The following DTX2 variants were observed in gnomAD, a reference collection of about 807,000 sequenced individuals.
The protein encoded by DTX2 is probable E3 ubiquitin-protein ligase DTX2.
Under a neutral mutation model 55.3 loss-of-function variants are expected in DTX2, and 29 were observed. The observed-to-expected ratio is 0.52, with a 90% CI of 0.39 to 0.71. The LOEUF (loss-of-function observed/expected upper bound fraction) is 0.71, where lower values mean the gene tolerates loss of function less well. Ranked by LOEUF, DTX2 falls within the 30% of genes least tolerant of loss-of-function variation. DTX2 has a pLI of 0.00. For synonymous variants in DTX2, 276 were observed against 340.4 expected (o/e 0.81, Z 2.08); for missense variants, 537 against 822.5 (o/e 0.65, Z 4.25).
In DTX2 at chr7:76,501,531, A is replaced by G. The variant is rs538028566; in HGVS notation, c.1231-767A>G. Among the ~76,000 whole-genome samples, 103 of 150,592 alleles carry G rather than the reference A, an allele frequency of 6.8e-4. 1 individual carries two copies. The highest frequency in any genetic ancestry group is 2.5e-3 in the African/African-American group (101 of 41,142). On this transcript the variant is annotated intron_variant, in intron 7 of 10. Coordinates refer to ENST00000430490, the MANE Select transcript of DTX2 (RefSeq NM_001102594.3). ...CCTGGAACCGCCAGCAGGACCCCCA[A>G]CTCACACACAGCCCCAAGCCCCTGA...
rs1812189492 is a variant in DTX2 at position 76,505,059 on chromosome 7, T to TGGGC, written c.1642-309_1642-306dup. 3.3e-4 allele frequency among the ~76,000 whole-genome samples: 1 copy of TGGGC among 3,064 alleles called. No individual in the cohort carries two copies. The highest frequency in any genetic ancestry group is 1.4e-3 in the African/African-American group (1 of 740). The allele number at this position is 3,064 out of a possible 152,430, so 2.0% of individuals were successfully genotyped here. A position where few individuals can be genotyped will look rare whatever the true frequency, so the allele number is the denominator to read the frequency against. On this transcript the variant is annotated intron_variant, in intron 10 of 10. Transcript: ENST00000430490. The surrounding 1 kb of genome is among the most constrained non-coding windows in gnomAD (Gnocchi z 4.4). ...CCTGGATTCCACCAGGGAGGGTGGG[T>TGGGC]GGGCGGGCGCTCGTCCAGCAACGGC...
intron 2 of DTX2, chr7:76,474,890 C>T (rs1808370670): frequency 6.6e-6 from 1 of 152,210 alleles, no homozygotes; most frequent in Admixed American, 6.5e-5. Context: ...AGCAGCATTC[C>T]ATGGTGCCTC....
chr7:76,498,807 TGTGGGGTGTGTGGGGTGTGTAGAG>T (rs1811240631), intron 6 of DTX2, among the ~76,000 whole-genome samples: 1 of 132,938 alleles, frequency 7.5e-6, no homozygotes, highest in African/African-American at 3.3e-5. Flanking sequence ...TGTGTGGAGG[TGTGGGGTGTGTGGGGTGTGTAGAG>T]GTGAGGGTGT....
chr7:76,481,607 A>G (rs1809223503), intron 3 of DTX2, among the ~76,000 whole-genome samples: 1 of 150,056 alleles, frequency 6.7e-6, no homozygotes, highest in Non-Finnish European at 1.5e-5. Flanking sequence ...CCATCTGACA[A>G]TGTTTGGAGA....
chr7:76,495,425 C>CCT (rs1388342605), intron 5 of DTX2, among the ~76,000 whole-genome samples: 1 of 151,996 alleles, frequency 6.6e-6, no homozygotes, highest in African/African-American at 2.4e-5. Flanking sequence ...AGGCTGTGGC[C>CCT]CTCCGAGTTA....
At chr7:76,503,300 G>T (rs1001357618) in intron 8 of DTX2, 126 bp from the exon 9 acceptor site, 153 of 1,076,654 alleles carry the variant, frequency 1.4e-4, no homozygotes, top group Non-Finnish European at 1.9e-4. Flanking sequence ...CGGGCAGGAG[G>T]CTGCCAGCAA....
rs765845959 is a variant in DTX2, at chr7:76,483,034, C to T, written c.795C>T (p.Asn265=). The change falls in exon 4 of 11, where the codon AAC becomes AAT. Residue 265 remains asparagine (N), a synonymous_variant. Coordinates refer to ENST00000430490, the MANE Select transcript of DTX2 (RefSeq NM_001102594.3). ...CTGCGCCCAGGCTGAACACCACCAA[C>T]GCCTGGGGCGCAGCTCCTCCTTCCC... The part of the protein sequence containing the change: ...ARSAPRLNTT[N]AWGAAPPSLG... 2.9e-5 allele frequency: 47 copies of T among 1,613,248 alleles called. 1 individual carries two copies. Among genetic ancestry groups the T allele is most frequent in the South Asian group, 2.3e-4 (21 of 91,028 alleles).
In DTX2 at chr7:76,505,656, C is replaced by T. The variant is rs1007219966; in HGVS notation, c.*55C>T. ...GGCCACCCCGCTGCCCCATGGCTGG[C>T]TGGGTGGCCAGGCAGGAAGTGCCCA... On this transcript the variant is annotated 3_prime_UTR_variant, in exon 11 of 11. Coordinates refer to ENST00000430490, the MANE Select transcript of DTX2 (RefSeq NM_001102594.3). This position sits in a 1 kb window ranked among gnomAD's most constrained non-coding sequence, Gnocchi z 4.4. 5.5e-5 allele frequency: 84 copies of T among 1,514,228 alleles called. No individual in the cohort carries two copies. Among genetic ancestry groups the T allele is most frequent in the Non-Finnish European group, 7.3e-5 (83 of 1,129,658 alleles). The allele number at this position is 1,514,228 out of a possible 1,614,324, so 93.8% of individuals were successfully genotyped here. A position where few individuals can be genotyped will look rare whatever the true frequency, so the allele number is the denominator to read the frequency against.
chr7:76,497,392 AC>A lies in DTX2; in HGVS notation c.1069del (p.Gln357SerfsTer21). The A allele has an allele frequency of 6.2e-7, 1 of 1,603,048 alleles. No individual in the cohort carries two copies. Among genetic ancestry groups the A allele is most frequent in the African/African-American group, 1.3e-5 (1 of 74,512 alleles). On this transcript the variant is annotated frameshift_variant, in exon 6 of 11. Transcript: ENST00000430490. LOFTEE classifies it high-confidence loss of function. ...GACTCCCTGTGTGTCTTAGCCGCGCACCCCAGCCCACCAGCCCTCCCGCCTC... is the reference window on the plus strand; with the variant it reads ...GACTCCCTGTGTGTCTTAGCCGCGCACCCAGCCCACCAGCCCTCCCGCCTC... ...IGLPVCLSRA[P>X]QPTSPPASRL...
At chr7:76,502,963 G>C (rs1811901235) in intron 8 of DTX2, 1 of 213,084 alleles carries the variant, frequency 4.7e-6, no homozygotes, top group Non-Finnish European at 9.4e-6. Flanking sequence ...CGCCCAGACT[G>C]ACCCCCAGCT....
chr7:76,489,908 C>A lies in DTX2; in HGVS notation c.909-2245C>A, dbSNP rs1295355679. On this transcript the variant is annotated intron_variant, in intron 4 of 10. Transcript: ENST00000430490. ...ATATTAAAAAAAAAAAAAACAACAA[C>A]CTTTATTTTATGGTAATTAAGTTCC... Among the ~76,000 whole-genome samples the A allele has an allele frequency of 5.2e-5, 7 of 135,512 alleles. 1 individual carries two copies. Among genetic ancestry groups the A allele is most frequent in the Non-Finnish European group, 9.8e-5 (6 of 61,350 alleles). 88.9% of individuals were successfully genotyped at this position (135,512 alleles called of 152,430 possible).
intron 8 of DTX2, chr7:76,502,686 C>G: frequency 1.8e-6 from 1 of 545,680 alleles, no homozygotes; most frequent in Non-Finnish European, 3.2e-6. Flanking sequence ...ACCAGTGCGG[C>G]TGGTTCCCTC....
intron 8 of DTX2, 38 bp from the exon 9 acceptor site, chr7:76,503,388 A>G: frequency 6.3e-7 from 1 of 1,599,388 alleles, no homozygotes; most frequent in Non-Finnish European, 8.5e-7. Context: ...GGGTGTTCTC[A>G]GACTGCCAGC....
intron 2 of DTX2, among the ~76,000 whole-genome samples, chr7:76,480,148 T>TA (rs1299521504): frequency 2.3e-5 from 3 of 130,462 alleles, no homozygotes; most frequent in Non-Finnish European, 3.2e-5. Flanking sequence ...CTACAAAAAG[T>TA]AAAAAAATGA....
chr7:76,473,264 A>G (rs569531583), intron 2 of DTX2, among the ~76,000 whole-genome samples: 6 of 152,080 alleles, frequency 3.9e-5, no homozygotes, highest in African/African-American at 1.4e-4. Flanking sequence ...GTGGGTGGCC[A>G]TCTGCCCTGT....
At chr7:76,471,438 G>A (rs1269557025) in intron 2 of DTX2, among the ~76,000 whole-genome samples, 2 of 151,032 alleles carry the variant, frequency 1.3e-5, no homozygotes, top group Admixed American at 6.6e-5. Context: ...TGGGATTACA[G>A]GTGTGAGCCA....
chr7:76,469,415 C>T lies in DTX2; in HGVS notation c.-90+5706C>T, dbSNP rs567870042. ...ATTCCTTTTTTTTTTTTTTTTGAGA[C>T]GGATTCTCATTCTGTCGCCCAAGCT... On this transcript the variant is annotated intron_variant, in intron 2 of 10. Transcript: ENST00000430490. Among the ~76,000 whole-genome samples, 17 of 102,162 alleles carry T rather than the reference C, an allele frequency of 1.7e-4. No individual in the cohort carries two copies. The East Asian group carries it at 5.2e-3, about 31-fold the overall frequency. 67.0% of individuals were successfully genotyped at this position (102,162 alleles called of 152,430 possible).
chr7:76,502,851 A>G, intron 8 of DTX2: 1 of 247,226 alleles, frequency 4.0e-6, no homozygotes, highest in Non-Finnish European at 7.8e-6. Context: ...GGAGAGGCTC[A>G]GAGCAGGGGC....
intron 3 of DTX2, among the ~76,000 whole-genome samples, chr7:76,481,074 T>A (rs1046100218): frequency 2.0e-5 from 3 of 152,252 alleles, no homozygotes; most frequent in African/African-American, 7.2e-5. Context: ...AGGTGGTGCG[T>A]CATAGGAGTT....
Sources: allele counts gnomAD v4.1 joint callset (sites outside exome capture counted in the v4.1 genomes callset), GRCh38; gene constraint gnomAD v4.1.1; non-coding constraint Gnocchi (gnomAD v3.1); transcripts MANE v1.5; gene names NCBI Gene and HGNC (gene_info 2026-07-23, HGNC 2026-07-21).